Variants in TMEM144 observed in about 807,000 individuals in gnomAD.
TMEM144 encodes the protein transmembrane protein 144.
In TMEM144, 39 loss-of-function variants were observed where a neutral mutation model predicts 43.6. The ratio of observed to expected loss-of-function variants is 0.90; its 90% CI spans 0.69 to 1.17. The LOEUF is 1.17. TMEM144 is among the 50% of genes most tolerant of loss of function. The pLI is 0.00. For synonymous variants in TMEM144, 154 were observed against 133.6 expected (o/e 1.15, Z -1.06); for missense variants, 417 against 411.9 (o/e 1.01, Z -0.11).
intron 12 of TMEM144, among the ~76,000 whole-genome samples, chr4:158,249,887 GGTGTGTGTGTGTGTGTGTGT>G (rs149144602): frequency 0.13 from 17,957 of 134,508 alleles, 1,204 homozygotes; most frequent in Middle Eastern, 0.18. Flanking sequence ...CCTACTGCCA[GGTGTGTGTGTGTGTGTGTGT>G]GTGTGTGTGT....
intron 11 of TMEM144, among the ~76,000 whole-genome samples, chr4:158,243,517 A>C (rs1735726002): frequency 1.3e-5 from 2 of 152,106 alleles, no homozygotes; most frequent in Admixed American, 6.6e-5. Flanking sequence ...GATACAATAC[A>C]CCTTCTCCAC....
intron 7 of TMEM144, chr4:158,233,198 G>A: frequency 2.5e-6 from 1 of 406,966 alleles, no homozygotes; most frequent in Non-Finnish European, 4.4e-6. Flanking sequence ...TATTTATTTT[G>A]ATTAACAGAT....
At chr4:158,229,670 T>C (rs1579122325) in intron 6 of TMEM144, among the ~76,000 whole-genome samples, 1 of 152,082 alleles carries the variant, frequency 6.6e-6, no homozygotes, top group Non-Finnish European at 1.5e-5. Flanking sequence ...GAGGCTAGGG[T>C]TCTGTCCCTG....
In TMEM144 at chr4:158,241,774, G is replaced by C. The variant is rs149098926; in HGVS notation, c.900+168G>C. On this transcript the variant is annotated intron_variant, in intron 11 of 12. Coordinates refer to ENST00000296529, the MANE Select transcript of TMEM144 (RefSeq NM_018342.5). ...GACCCTCTTGAATCTTCATGTGCTTGATTGCTAAGGAACATTTCTCACCTC... is the reference window on the plus strand; with the variant it reads ...GACCCTCTTGAATCTTCATGTGCTTCATTGCTAAGGAACATTTCTCACCTC... Among the ~76,000 whole-genome samples the C allele has an allele frequency of 2.9e-3, 440 of 152,304 alleles. 1 individual carries two copies. The highest frequency in any genetic ancestry group is 6.8e-3 in the Middle Eastern group (2 of 294).
rs1462006831 is a variant in TMEM144 at position 158,215,328 on chromosome 4, AACTTAT to A, written c.232+20_232+25del. On this transcript the variant is annotated intron_variant, in intron 4 of 12. Coordinates refer to ENST00000296529, the MANE Select transcript of TMEM144 (RefSeq NM_018342.5). ...TTGGGCAACAGGTAATGTCTGATAT[AACTTAT>A]ACTTTTATTATGTAACATAATGATA... 1 of 1,611,190 alleles carries A rather than the reference AACTTAT, an allele frequency of 6.2e-7. No homozygotes were observed. Among genetic ancestry groups the A allele is most frequent in the African/African-American group, 1.3e-5 (1 of 74,770 alleles).
At chr4:158,231,720 G>A (rs1735088535) in intron 6 of TMEM144, among the ~76,000 whole-genome samples, 1 of 152,102 alleles carries the variant, frequency 6.6e-6, no homozygotes, top group Admixed American at 6.5e-5. Flanking sequence ...ATTGGGGAGG[G>A]GGGTTGGTAG....
Position 158,253,481 on chromosome 4 carries a change from G to T in TMEM144, c.992G>T (p.Cys331Phe). ...TACCTATTAATGATACTTGCATTTT[G>T]CATCATCTTGACTGGAGCCTTATGC... ...QNYLLMILAF[C>F]IILTGALCTA... The change falls in exon 13 of 13, where the codon TGC becomes TTC. Residue 331 changes from cysteine to phenylalanine, a missense_variant. Coordinates refer to ENST00000296529, the MANE Select transcript of TMEM144 (RefSeq NM_018342.5). The T allele has an allele frequency of 6.2e-7, 1 of 1,613,638 alleles. No individual in the cohort carries two copies. The highest frequency in any genetic ancestry group is 8.5e-7 in the Non-Finnish European group (1 of 1,179,844).
intron 9 of TMEM144, among the ~76,000 whole-genome samples, chr4:158,238,450 G>A (rs1347925080): frequency 3.3e-5 from 5 of 151,994 alleles, no homozygotes; most frequent in Non-Finnish European, 7.4e-5. Context: ...TTTATAGTTA[G>A]CCCCATGTAT....
At position 158,253,841 on chromosome 4, in the gene TMEM144, C is replaced by T. The variant is rs996729412; in HGVS notation, c.*314C>T. The T allele has an allele frequency of 6.4e-6, 2 of 312,094 alleles. No homozygotes were observed. Among genetic ancestry groups the T allele is most frequent in the Non-Finnish European group, 1.2e-5 (2 of 164,152 alleles). The allele number at this position is 312,094 out of a possible 1,614,324, so 19.3% of individuals were successfully genotyped here. A position where few individuals can be genotyped will look rare whatever the true frequency, so the allele number is the denominator to read the frequency against. ...TTACCACAGTATGTACCTAGTGTTG[C>T]ATAATCTAGAACACAGTATAGAGTC... On this transcript the variant is annotated 3_prime_UTR_variant, in exon 13 of 13. Transcript: ENST00000296529.
intron 6 of TMEM144, among the ~76,000 whole-genome samples, chr4:158,230,570 A>T (rs1038004840): frequency 5.3e-5 from 8 of 151,954 alleles, no homozygotes; most frequent in Admixed American, 3.9e-4. Flanking sequence ...TTGATGTCTA[A>T]TATTAACCTT....
At chr4:158,219,197 A>T (rs760415643) in intron 5 of TMEM144, 113 bp from the exon 6 acceptor site, 3 of 964,806 alleles carry the variant, frequency 3.1e-6, no homozygotes, top group Admixed American at 1.9e-5. Flanking sequence ...ACAGCTAATA[A>T]GTGAGAGAGC....
chr4:158,255,381 T>A lies in TMEM144; in HGVS notation c.*1854T>A, dbSNP rs941828751. 5 of 151,034 alleles carry A rather than the reference T, an allele frequency of 3.3e-5. No individual in the cohort carries two copies. Among genetic ancestry groups the A allele is most frequent in the Non-Finnish European group, 4.4e-5 (3 of 67,728 alleles). 9.4% of individuals were successfully genotyped at this position (151,034 alleles called of 1,614,324 possible). A position where few individuals can be genotyped will look rare whatever the true frequency, so the allele number is the denominator to read the frequency against. On this transcript the variant is annotated 3_prime_UTR_variant, in exon 13 of 13. Transcript: ENST00000296529. ...TCCAATTTATATGCAAAATTTTAAA[T>A]GTGAAGTAAAGCAGTTTCAGAAGAA...
At chr4:158,215,352 T>C (rs763917597) in intron 4 of TMEM144, 39 bp downstream of exon 4, 1 of 1,600,910 alleles carries the variant, frequency 6.2e-7, no homozygotes, top group East Asian at 2.2e-5. Flanking sequence ...TTATGTAACA[T>C]AATGATAAAA....
At chr4:158,218,751 ACACT>A (rs112984191) in intron 5 of TMEM144, among the ~76,000 whole-genome samples, 5 of 152,296 alleles carry the variant, frequency 3.3e-5, no homozygotes, top group African/African-American at 1.2e-4. Context: ...TAGGAAAGAG[ACACT>A]CACAAGTACT....
At chr4:158,247,113 A>G (rs968220260) in intron 12 of TMEM144, among the ~76,000 whole-genome samples, 11 of 151,944 alleles carry the variant, frequency 7.2e-5, no homozygotes, top group South Asian at 2.1e-4. Context: ...AGGATCGTTC[A>G]TAATACATAA....
chr4:158,245,749 A>C (rs2111149819), intron 12 of TMEM144, among the ~76,000 whole-genome samples: 1 of 152,182 alleles, frequency 6.6e-6, no homozygotes, highest in African/African-American at 2.4e-5. Flanking sequence ...ACATAGCAAA[A>C]CCGCTATCTC....
At chr4:158,217,542 A>G (rs1734288449) in intron 5 of TMEM144, 122 bp downstream of exon 5, 1 of 663,026 alleles carries the variant, frequency 1.5e-6, no homozygotes, top group Non-Finnish European at 2.6e-6. Context: ...CTGGTAAAAC[A>G]TACACATCAT....
intron 7 of TMEM144, chr4:158,233,930 G>C (rs1398574591): frequency 6.6e-6 from 1 of 152,168 alleles, no homozygotes; most frequent in Admixed American, 6.5e-5. Flanking sequence ...TTTGGGAAAG[G>C]GTTCCTTGCC....
At chr4:158,238,059 A>C (rs919687488) in intron 9 of TMEM144, among the ~76,000 whole-genome samples, 8 of 152,222 alleles carry the variant, frequency 5.3e-5, no homozygotes, top group African/African-American at 1.9e-4. Context: ...TAAAGTACAG[A>C]GTCATGCACT....
Sources: gnomAD v4.1 joint callset for allele counts (sites outside exome capture counted in the v4.1 genomes callset) on GRCh38, gnomAD v4.1.1 for gene constraint, MANE v1.5 for transcripts, NCBI Gene and HGNC (gene_info 2026-07-23, HGNC 2026-07-21) for gene names.